Variants in NKX6-2 observed in about 807,000 individuals in gnomAD.
NKX6-2 encodes the protein homeobox protein Nkx-6.2.
Under a neutral mutation model 19.9 loss-of-function variants are expected in NKX6-2, and 22 were observed. That is an observed-to-expected ratio of 1.10 (90% CI 0.79 to 1.58). The LOEUF is 1.58. Among genes scored for constraint, NKX6-2 ranks in the 40% most tolerant of loss-of-function variants. NKX6-2 has a pLI of 0.00. For synonymous variants in NKX6-2, 257 were observed against 204.0 expected (o/e 1.26, Z -2.21); for missense variants, 475 against 410.6 (o/e 1.16, Z -1.35).
chr10:132,785,622 CT>C lies in NKX6-2; in HGVS notation c.326del (p.Glu109GlyfsTer79). 1.6e-6 allele frequency: 2 copies of C among 1,243,820 alleles called. No homozygotes were observed. Among genetic ancestry groups the C allele is most frequent in the African/African-American group, 3.1e-5 (2 of 63,498 alleles). The allele number at this position is 1,243,820 out of a possible 1,614,324, so 77.0% of individuals were successfully genotyped here. A position where few individuals can be genotyped will look rare whatever the true frequency, so the allele number is the denominator to read the frequency against. ...VARGYPKPLA[E>X]LPGRPPIFWP... ...AGAAGATGGGCGGGCGCCCCGGCAG[CT>C]CGGCCAGGGGCTTGGGGTAGCCGCG... On this transcript the variant is annotated frameshift_variant, in exon 1 of 3. Transcript: ENST00000368592. LOFTEE classifies it high-confidence loss of function. This position sits in a 1 kb window ranked among gnomAD's most constrained non-coding sequence, Gnocchi z 5.5.
Position 132,785,042 on chromosome 10 carries a change from G to C in NKX6-2, c.708C>G (p.Asp236Glu), listed in dbSNP as rs777233341. The C allele has an allele frequency of 6.2e-7, 1 of 1,608,596 alleles. No individual in the cohort carries two copies. The highest frequency in any genetic ancestry group is 8.5e-7 in the Non-Finnish European group (1 of 1,175,864). The change falls in exon 3 of 3, where the codon GAC (aspartate) becomes GAG (glutamate). Residue 236 changes from aspartate to glutamate, a missense_variant. Transcript: ENST00000368592. This position sits in a 1 kb window ranked among gnomAD's most constrained non-coding sequence, Gnocchi z 5.5. ...KVGGSDAEDDDEYNRPLDPNS... is the reference protein window; with the variant it reads ...KVGGSDAEDDEEYNRPLDPNS... ...TGGGGTCCAGGGGCCGGTTGTATTC[G>C]TCGTCGTCCTCCGCGTCCGAGCCGC...
In NKX6-2 at chr10:132,783,670, T is replaced by C. The variant is rs992160576; in HGVS notation, c.*1246A>G. On this transcript the variant is annotated 3_prime_UTR_variant, in exon 3 of 3. Coordinates refer to ENST00000368592, the MANE Select transcript of NKX6-2 (RefSeq NM_177400.3). ...AGGAGAAACACAGCCTTTTGGACTT[T>C]CTACTGTAATAAAGGATTTATCCCT... 4 of 152,346 alleles carry C rather than the reference T, an allele frequency of 2.6e-5. No homozygotes were observed. The highest frequency in any genetic ancestry group is 2.1e-4 in the South Asian group (1 of 4,818). The allele number at this position is 152,346 out of a possible 1,614,324, so 9.4% of individuals were successfully genotyped here.
Position 132,785,933 on chromosome 10 carries a change from G to A in NKX6-2, c.16C>T (p.Pro6Ser). 7.8e-7 allele frequency: 1 copy of A among 1,278,418 alleles called. No homozygotes were observed. Among genetic ancestry groups the A allele is most frequent in the Non-Finnish European group, 1.0e-6 (1 of 974,560 alleles). The allele number at this position is 1,278,418 out of a possible 1,614,324, so 79.2% of individuals were successfully genotyped here. Residue 6 changes from proline to serine, a missense_variant, in exon 1 of 3, where the codon CCG becomes TCG. By Grantham distance (74) the Pro-to-Ser change is moderately conservative. Coordinates refer to ENST00000368592, the MANE Select transcript of NKX6-2 (RefSeq NM_177400.3). This position sits in a 1 kb window ranked among gnomAD's most constrained non-coding sequence, Gnocchi z 5.5. MDTNR[P>S]GAFVLSSAPL... is the part of the protein sequence containing the mutation. Reference sequence around the variant, plus strand: ...GCACTGCTCAGCACGAACGCGCCCGGGCGGTTAGTGTCCATGGGCGCCGCC... The same window carrying A: ...GCACTGCTCAGCACGAACGCGCCCGAGCGGTTAGTGTCCATGGGCGCCGCC...
At position 132,785,045 on chromosome 10, in the gene NKX6-2, G is replaced by A. The variant is rs759933944; in HGVS notation, c.705C>T (p.Asp235=). 6.2e-7 allele frequency: 1 copy of A among 1,609,530 alleles called. No homozygotes were observed. Among genetic ancestry groups the A allele is most frequent in the Admixed American group, 1.7e-5 (1 of 60,022 alleles). ...LKVGGSDAED[D]DEYNRPLDPN... ...GGTCCAGGGGCCGGTTGTATTCGTC[G>A]TCGTCCTCCGCGTCCGAGCCGCCCA... The change falls in exon 3 of 3, where the codon GAC becomes GAT. Residue 235 remains aspartate (D), a synonymous_variant. Transcript: ENST00000368592. The surrounding 1 kb of genome is among the most constrained non-coding windows in gnomAD (Gnocchi z 5.5).
chr10:132,785,030 C>T lies in NKX6-2; in HGVS notation c.720G>A (p.Arg240=), dbSNP rs2055054678. 1 of 1,609,684 alleles carries T rather than the reference C, an allele frequency of 6.2e-7. No homozygotes were observed. Among genetic ancestry groups the T allele is most frequent in the Non-Finnish European group, 8.5e-7 (1 of 1,176,810 alleles). ...CGTCGTCCGAGTTGGGGTCCAGGGG[C>T]CGGTTGTATTCGTCGTCGTCCTCCG... ...SDAEDDDEYN[R]PLDPNSDDEK... Residue 240 remains arginine (R), a synonymous_variant, in exon 3 of 3, where the codon CGG becomes CGA. Transcript: ENST00000368592. The surrounding 1 kb of genome is among the most constrained non-coding windows in gnomAD (Gnocchi z 5.5).
At position 132,785,594 on chromosome 10, in the gene NKX6-2, GC is replaced by G; in HGVS notation, c.354del (p.Trp118CysfsTer70). 2 of 1,257,006 alleles carry G rather than the reference GC, an allele frequency of 1.6e-6. No individual in the cohort carries two copies. The highest frequency in any genetic ancestry group is 2.0e-6 in the Non-Finnish European group (2 of 1,005,240). The allele number at this position is 1,257,006 out of a possible 1,614,324, so 77.9% of individuals were successfully genotyped here. A position where few individuals can be genotyped will look rare whatever the true frequency, so the allele number is the denominator to read the frequency against. ...CAGGGCGCGCCCTGCACCACGCCGG[GC>G]CAGAAGATGGGCGGGCGCCCCGGCA... Reference protein sequence around the residue: ...AELPGRPPIFWPGVVQGAPWR... With the variant: ...AELPGRPPIFXPGVVQGAPWR... On this transcript the variant is annotated frameshift_variant, in exon 1 of 3. Coordinates refer to ENST00000368592, the MANE Select transcript of NKX6-2 (RefSeq NM_177400.3). LOFTEE classifies it high-confidence loss of function. The surrounding 1 kb of genome is among the most constrained non-coding windows in gnomAD (Gnocchi z 5.5).
Position 132,785,880 on chromosome 10 carries a change from G to T in NKX6-2, c.69C>A (p.Ala23=). Reference sequence around the variant, plus strand: ...AGGGGAACAGCGACGTCTTCATCTCGGCCATGTTGTGCAGCGCGGCCAGCG... The same window carrying T: ...AGGGGAACAGCGACGTCTTCATCTCTGCCATGTTGTGCAGCGCGGCCAGCG... ...SAPLAALHNM[A]EMKTSLFPYA... Residue 23 remains alanine, a synonymous_variant, in exon 1 of 3, where the codon GCC becomes GCA. Coordinates refer to ENST00000368592, the MANE Select transcript of NKX6-2 (RefSeq NM_177400.3). This position sits in a 1 kb window ranked among gnomAD's most constrained non-coding sequence, Gnocchi z 5.5. 7.2e-7 allele frequency: 1 copy of T among 1,396,490 alleles called. No individual in the cohort carries two copies. Among genetic ancestry groups the T allele is most frequent in the South Asian group, 1.4e-5 (1 of 71,834 alleles). 86.5% of individuals were successfully genotyped at this position (1,396,490 alleles called of 1,614,324 possible). A position where few individuals can be genotyped will look rare whatever the true frequency, so the allele number is the denominator to read the frequency against.
In NKX6-2 at chr10:132,783,902, G is replaced by C. The variant is rs548110768; in HGVS notation, c.*1014C>G. 9 of 152,322 alleles carry C rather than the reference G, an allele frequency of 5.9e-5. No homozygotes were observed. The South Asian group carries it at 1.9e-3, about 32-fold the overall frequency. The allele number at this position is 152,322 out of a possible 1,614,324, so 9.4% of individuals were successfully genotyped here. A position where few individuals can be genotyped will look rare whatever the true frequency, so the allele number is the denominator to read the frequency against. On this transcript the variant is annotated 3_prime_UTR_variant, in exon 3 of 3. Coordinates refer to ENST00000368592, the MANE Select transcript of NKX6-2 (RefSeq NM_177400.3). ...ATTTCCCTTTAACGCTTCCGCAAAT[G>C]CCAAGAGAAATCGTACCACCGCAGT...
At position 132,784,724 on chromosome 10, in the gene NKX6-2, G is replaced by A. The variant is rs1847227513; in HGVS notation, c.*192C>T. ...CCGGAGGACCCGAGGCGGGCGCAGG[G>A]GCGAAGCCGGGGCCGGGGAGGGGCC... On this transcript the variant is annotated 3_prime_UTR_variant, in exon 3 of 3. Coordinates refer to ENST00000368592, the MANE Select transcript of NKX6-2 (RefSeq NM_177400.3). The A allele has an allele frequency of 3.4e-6, 2 of 581,356 alleles. No homozygotes were observed. The highest frequency in any genetic ancestry group is 2.2e-5 in the South Asian group (1 of 46,146). The allele number at this position is 581,356 out of a possible 1,614,324, so 36.0% of individuals were successfully genotyped here.
chr10:132,785,470 G>A lies in NKX6-2; in HGVS notation c.407-18C>T, dbSNP rs1847251793. ...GGCCGGGGCTGCAAGGGAGGGGAAG[G>A]GAGGGAGGTCAGCGGCCGGCGGGGT... On this transcript the variant is annotated intron_variant, in intron 1 of 2. Transcript: ENST00000368592. The surrounding 1 kb of genome is among the most constrained non-coding windows in gnomAD (Gnocchi z 5.5). The A allele has an allele frequency of 2.6e-6, 4 of 1,531,186 alleles. No homozygotes were observed. In the Admixed American group the frequency reaches 5.9e-5, roughly 23 times the overall value. 94.8% of individuals were successfully genotyped at this position (1,531,186 alleles called of 1,614,324 possible).
chr10:132,785,511 C>T lies in NKX6-2; in HGVS notation c.406+32G>A, dbSNP rs764644497. 15 of 1,415,784 alleles carry T rather than the reference C, an allele frequency of 1.1e-5. No homozygotes were observed. In the African/African-American group the frequency reaches 1.5e-4, roughly 14 times the overall value. 87.7% of individuals were successfully genotyped at this position (1,415,784 alleles called of 1,614,324 possible). ...CCGGCGGGGTCCCCCTCCGCGCCCA[C>T]CCGCCCCGCACCCCCCGCGCGGGCC... On this transcript the variant is annotated intron_variant, in intron 1 of 2. Transcript: ENST00000368592. This position sits in a 1 kb window ranked among gnomAD's most constrained non-coding sequence, Gnocchi z 5.5.
In NKX6-2 at chr10:132,785,689, G is replaced by C. The variant is rs1052455820; in HGVS notation, c.260C>G (p.Ser87Trp). The change falls in exon 1 of 3, where the codon TCG (serine) becomes TGG (tryptophan). Residue 87 changes from serine to tryptophan, a missense_variant. By Grantham distance (177) the Ser-to-Trp change is radical. Coordinates refer to ENST00000368592, the MANE Select transcript of NKX6-2 (RefSeq NM_177400.3). The surrounding 1 kb of genome is among the most constrained non-coding windows in gnomAD (Gnocchi z 5.5). ...GGGCCCGAAGTAAACGCCGGCGGAC[G>C]ACGCGAGCCCGTTGAGCCGGGGCAG... The part of the protein sequence containing the change: ...GGLPRLNGLA[S>W]SAGVYFGPAA... 6.4e-6 allele frequency: 8 copies of C among 1,248,844 alleles called. No homozygotes were observed. In the African/African-American group the frequency reaches 1.3e-4, roughly 20 times the overall value. 77.4% of individuals were successfully genotyped at this position (1,248,844 alleles called of 1,614,324 possible).
chr10:132,785,016 T>G lies in NKX6-2; in HGVS notation c.734A>C (p.Asn245Thr). ...CCGCGTGATCTTCTCGTCGTCCGAG[T>G]TGGGGTCCAGGGGCCGGTTGTATTC... The part of the protein sequence containing the change: ...DDEYNRPLDP[N>T]SDDEKITRLL... Residue 245 changes from asparagine (N) to threonine (T), a missense_variant, in exon 3 of 3, where the codon AAC becomes ACC. Asn to Thr is a moderately conservative substitution (Grantham distance 65, BLOSUM62 0). Transcript: ENST00000368592. This position sits in a 1 kb window ranked among gnomAD's most constrained non-coding sequence, Gnocchi z 5.5. The G allele has an allele frequency of 1.2e-6, 2 of 1,611,154 alleles. No individual in the cohort carries two copies. Among genetic ancestry groups the G allele is most frequent in the South Asian group, 1.1e-5 (1 of 91,038 alleles).
At position 132,785,692 on chromosome 10, in the gene NKX6-2, G is replaced by C; in HGVS notation, c.257C>G (p.Ala86Gly). 2 of 1,249,694 alleles carry C rather than the reference G, an allele frequency of 1.6e-6. No individual in the cohort carries two copies. Among genetic ancestry groups the C allele is most frequent in the South Asian group, 3.0e-5 (1 of 32,976 alleles). 77.4% of individuals were successfully genotyped at this position (1,249,694 alleles called of 1,614,324 possible). A position where few individuals can be genotyped will look rare whatever the true frequency, so the allele number is the denominator to read the frequency against. Residue 86 changes from alanine (A) to glycine (G), a missense_variant, in exon 1 of 3, where the codon GCG becomes GGG. By Grantham distance (60) the Ala-to-Gly change is moderately conservative (BLOSUM62 0). Transcript: ENST00000368592. The surrounding 1 kb of genome is among the most constrained non-coding windows in gnomAD (Gnocchi z 5.5). ...LGGLPRLNGL[A>G]SSAGVYFGPA... is the part of the protein sequence containing the mutation. ...CCCGAAGTAAACGCCGGCGGACGAC[G>C]CGAGCCCGTTGAGCCGGGGCAGCCC...
chr10:132,785,108 G>C lies in NKX6-2; in HGVS notation c.642C>G (p.Ala214=), dbSNP rs1297354073. 1.9e-5 allele frequency: 31 copies of C among 1,611,620 alleles called. No individual in the cohort carries two copies. Among genetic ancestry groups the C allele is most frequent in the Non-Finnish European group, 2.5e-5 (29 of 1,179,100 alleles). ...CGGCGTCCGAGTCCTGCTTCTTCTT[G>C]GCCGACGCCATCTCCACCGCGTGCC... ...RKRHAVEMAS[A]KKKQDSDAEK... The change falls in exon 3 of 3, where the codon GCC becomes GCG. Residue 214 remains alanine, a synonymous_variant. Transcript: ENST00000368592. This position sits in a 1 kb window ranked among gnomAD's most constrained non-coding sequence, Gnocchi z 5.5.
chr10:132,785,468 A>T lies in NKX6-2; in HGVS notation c.407-16T>A. 6.5e-7 allele frequency: 1 copy of T among 1,528,732 alleles called. No homozygotes were observed. Among genetic ancestry groups the T allele is most frequent in the Non-Finnish European group, 8.8e-7 (1 of 1,136,992 alleles). 94.7% of individuals were successfully genotyped at this position (1,528,732 alleles called of 1,614,324 possible). A position where few individuals can be genotyped will look rare whatever the true frequency, so the allele number is the denominator to read the frequency against. ...CCGGCCGGGGCTGCAAGGGAGGGGA[A>T]GGGAGGGAGGTCAGCGGCCGGCGGG... On this transcript the variant is annotated splice_polypyrimidine_tract_variant and intron_variant, in intron 1 of 2. Transcript: ENST00000368592. The surrounding 1 kb of genome is among the most constrained non-coding windows in gnomAD (Gnocchi z 5.5).
In NKX6-2 at chr10:132,785,659, G is replaced by A. The variant is rs577964890; in HGVS notation, c.290C>T (p.Ala97Val). Residue 97 changes from alanine (A) to valine (V), a missense_variant, in exon 1 of 3, where the codon GCC becomes GTC. Physicochemically the swap from Ala to Val is moderately conservative, Grantham distance 64. Coordinates refer to ENST00000368592, the MANE Select transcript of NKX6-2 (RefSeq NM_177400.3). The surrounding 1 kb of genome is among the most constrained non-coding windows in gnomAD (Gnocchi z 5.5). ...CTTGGGGTAGCCGCGCGCCACAGCG[G>A]CCGCGGGCCCGAAGTAAACGCCGGC... ...SSAGVYFGPA[A>V]AVARGYPKPL... 1,158 of 1,248,494 alleles carry A rather than the reference G, an allele frequency of 9.3e-4. 10 individuals are homozygous for A. The African/African-American group carries it at 0.017, about 18-fold the overall frequency. The allele number at this position is 1,248,494 out of a possible 1,614,324, so 77.3% of individuals were successfully genotyped here.
In NKX6-2 at chr10:132,784,839, G is replaced by A. The variant is rs1056591582; in HGVS notation, c.*77C>T. 3 of 1,084,164 alleles carry A rather than the reference G, an allele frequency of 2.8e-6. No individual in the cohort carries two copies. Among genetic ancestry groups the A allele is most frequent in the Non-Finnish European group, 4.1e-6 (3 of 738,510 alleles). The allele number at this position is 1,084,164 out of a possible 1,614,324, so 67.2% of individuals were successfully genotyped here. A position where few individuals can be genotyped will look rare whatever the true frequency, so the allele number is the denominator to read the frequency against. On this transcript the variant is annotated 3_prime_UTR_variant, in exon 3 of 3. Transcript: ENST00000368592. ...GGGACCCGTTAAATAATTTATTGAT[G>A]ATACAAAGCGACTCGCGCCCACCCG...
rs749254489 is a variant in NKX6-2 at position 132,785,450 on chromosome 10, G to C, written c.409C>G (p.Pro137Ala). The C allele has an allele frequency of 4.4e-6, 7 of 1,573,960 alleles. No individual in the cohort carries two copies. The highest frequency in any genetic ancestry group is 1.4e-5 in the African/African-American group (1 of 71,212). Residue 137 changes from proline (P) to alanine (A), a missense_variant and splice_region_variant, in exon 2 of 3, where the codon CCG becomes GCG. Coordinates refer to ENST00000368592, the MANE Select transcript of NKX6-2 (RefSeq NM_177400.3). The surrounding 1 kb of genome is among the most constrained non-coding windows in gnomAD (Gnocchi z 5.5). ...TCCTTGTCCAGGACGCCGCCGGCCG[G>C]GGCTGCAAGGGAGGGGAAGGGAGGG... ...WRDPRLAGPA[P>A]AGGVLDKDGK... is the part of the protein sequence containing the mutation.
Sources: gnomAD v4.1 joint callset for allele counts on GRCh38, gnomAD v4.1.1 for gene constraint, Gnocchi (gnomAD v3.1) non-coding constraint, MANE v1.5 for transcripts, NCBI Gene and HGNC (gene_info 2026-07-23, HGNC 2026-07-21) for gene names.